NR2E1: variants seen among roughly 807,000 people sequenced by gnomAD.
NR2E1 encodes the protein nuclear receptor TLX.
Under a neutral mutation model 43.6 loss-of-function variants are expected in NR2E1, and 5 were observed. That is an observed-to-expected ratio of 0.11 (90% CI 0.06 to 0.24). The LOEUF (loss-of-function observed/expected upper bound fraction) is 0.24, where lower values mean the gene tolerates loss of function less well. Ranked by LOEUF, NR2E1 falls within the 10% of genes least tolerant of loss-of-function variation. The probability of loss-of-function intolerance (pLI) is 1.00; values close to 1 mark genes in which losing one functional copy is unlikely to be tolerated. For missense variants in NR2E1, 287 were observed against 496.7 expected (o/e 0.58, Z 4.01); for synonymous variants, 191 against 195.5 (o/e 0.98, Z 0.19).
At chr6:108,167,481 G>A (rs1311611033) in intron 1 of NR2E1, among the ~76,000 whole-genome samples, 1 of 152,078 alleles carries the variant, frequency 6.6e-6, no homozygotes, top group Admixed American at 6.6e-5. Flanking sequence ...CCGGCTCTCC[G>A]AACGCCAGGC....
intron 1 of NR2E1, among the ~76,000 whole-genome samples, chr6:108,167,871 C>G (rs1773737057): frequency 6.6e-6 from 1 of 152,106 alleles, no homozygotes; most frequent in Non-Finnish European, 1.5e-5. Context: ...GGAGATACTT[C>G]TGAGGACTGG....
At chr6:108,185,864 C>G (rs934895185) in intron 8 of NR2E1, among the ~76,000 whole-genome samples, 5 of 152,152 alleles carry the variant, frequency 3.3e-5, no homozygotes, top group Admixed American at 1.3e-4. Context: ...ATAGATTCCC[C>G]CAAATTCATC....
At chr6:108,174,751 C>A in intron 2 of NR2E1, 85 bp from the exon 3 acceptor site, 1 of 1,203,884 alleles carries the variant, frequency 8.3e-7, no homozygotes, top group Non-Finnish European at 1.2e-6. Flanking sequence ...GTCGCGCCTC[C>A]ACACCGTTTC....
At chr6:108,173,123 C>A (rs988110258) in intron 2 of NR2E1, among the ~76,000 whole-genome samples, 3 of 152,190 alleles carry the variant, frequency 2.0e-5, no homozygotes, top group African/African-American at 7.2e-5. Context: ...ATAATAGACT[C>A]ATCAGGCCTG....
At chr6:108,167,801 C>T (rs756494615) in intron 1 of NR2E1, among the ~76,000 whole-genome samples, 1 of 151,882 alleles carries the variant, frequency 6.6e-6, no homozygotes, top group Non-Finnish European at 1.5e-5. Context: ...GCGTTCCTTC[C>T]CTCCCCCTCC....
chr6:108,182,817 A>C (rs541023979), intron 8 of NR2E1, among the ~76,000 whole-genome samples: 47 of 151,682 alleles, frequency 3.1e-4, no homozygotes, highest in Non-Finnish European at 1.0e-4. Context: ...TTGACCTCCC[A>C]AAGTGCTGGG....
chr6:108,176,692 C>A lies in NR2E1; in HGVS notation c.449C>A (p.Thr150Asn). 1 of 1,596,528 alleles carries A rather than the reference C, an allele frequency of 6.3e-7. No individual in the cohort carries two copies. The highest frequency in any genetic ancestry group is 8.5e-7 in the Non-Finnish European group (1 of 1,175,332). Reference sequence around the variant, plus strand: ...CTGGAGCTGGCCGCGGTGTCCACCACTCCAGAGCGGCAGACCCTCGTGAGC... The same window carrying A: ...CTGGAGCTGGCCGCGGTGTCCACCAATCCAGAGCGGCAGACCCTCGTGAGC... Reference protein sequence around the residue: ...HGLELAAVSTTPERQTLVSLA... With the variant: ...HGLELAAVSTNPERQTLVSLA... Residue 150 changes from threonine to asparagine, a missense_variant, in exon 4 of 9, where the codon ACT (threonine) becomes AAT (asparagine). Physicochemically the swap from Thr to Asn is moderately conservative, Grantham distance 65 (BLOSUM62 0). Transcript: ENST00000368986.
chr6:108,186,726 C>T (rs978808916), intron 8 of NR2E1, among the ~76,000 whole-genome samples: 1 of 152,122 alleles, frequency 6.6e-6, no homozygotes, highest in Admixed American at 6.5e-5. Context: ...TAATTACATG[C>T]CAATTTCATT....
Position 108,180,458 on chromosome 6 carries a change from T to C in NR2E1, c.739+39T>C. ...AATTTAATGACTTTGTTGTAGAAAT[T>C]ACCATAAAAATACATTACTGAAAAA... On this transcript the variant is annotated intron_variant, in intron 6 of 8. Transcript: ENST00000368986. This position sits in a 1 kb window ranked among gnomAD's most constrained non-coding sequence, Gnocchi z 5.4. 1 of 1,364,706 alleles carries C rather than the reference T, an allele frequency of 7.3e-7. No individual in the cohort carries two copies. Among genetic ancestry groups the C allele is most frequent in the Non-Finnish European group, 1.0e-6 (1 of 952,644 alleles). The allele number at this position is 1,364,706 out of a possible 1,614,324, so 84.5% of individuals were successfully genotyped here.
intron 1 of NR2E1, chr6:108,168,056 G>T: frequency 6.2e-7 from 1 of 1,602,452 alleles, no homozygotes; most frequent in South Asian, 1.1e-5. Flanking sequence ...AGGGAGCAGA[G>T]AAGGAGCCCT....
Position 108,187,591 on chromosome 6 carries a change from A to G in NR2E1, c.*128A>G, listed in dbSNP as rs532712612. The stretch of plus-strand genomic sequence containing the variant: ...GGAATGTGTAGCCTTCAGGAAAAAA[A>G]TGCCAATTGACACAAAGCATTCCAG... On this transcript the variant is annotated 3_prime_UTR_variant, in exon 9 of 9. Transcript: ENST00000368986. 31 of 1,067,130 alleles carry G rather than the reference A, an allele frequency of 2.9e-5. No individual in the cohort carries two copies. Among genetic ancestry groups the G allele is most frequent in the South Asian group, 2.0e-4 (16 of 78,582 alleles). 66.1% of individuals were successfully genotyped at this position (1,067,130 alleles called of 1,614,324 possible).
In NR2E1 at chr6:108,187,641, A is replaced by G. The variant is rs569564003; in HGVS notation, c.*178A>G. 2.6e-5 allele frequency: 17 copies of G among 663,600 alleles called. No homozygotes were observed. The South Asian group carries it at 2.8e-4, about 11-fold the overall frequency. The allele number at this position is 663,600 out of a possible 1,614,324, so 41.1% of individuals were successfully genotyped here. Reference sequence around the variant, plus strand: ...GTAGCTATGACCTGCCGCCCTGACCAGGATAGGGCGGGTGGGAAGGAGAGG... The same window carrying G: ...GTAGCTATGACCTGCCGCCCTGACCGGGATAGGGCGGGTGGGAAGGAGAGG... On this transcript the variant is annotated 3_prime_UTR_variant, in exon 9 of 9. Transcript: ENST00000368986.
intron 4 of NR2E1, 80 bp downstream of exon 4, chr6:108,176,818 T>C (rs1454812942): frequency 9.1e-6 from 11 of 1,206,008 alleles, no homozygotes; most frequent in Middle Eastern, 2.7e-4. Flanking sequence ...AGCTGTGTGA[T>C]TGGGGTCAGG....
chr6:108,169,036 T>A lies in NR2E1; in HGVS notation c.25+2246T>A, dbSNP rs1490239399. On this transcript the variant is annotated intron_variant, in intron 1 of 8. Transcript: ENST00000368986. This position sits in a 1 kb window ranked among gnomAD's most constrained non-coding sequence, Gnocchi z 6.1. ...GAACGGTTTTCCAGCTTCAGGAAAC[T>A]CCGGCTCGCCTCACGTCGGAGCTCG... 1 of 152,232 alleles carries A rather than the reference T, an allele frequency of 6.6e-6. No individual in the cohort carries two copies. Among genetic ancestry groups the A allele is most frequent in the African/African-American group, 2.4e-5 (1 of 41,454 alleles). The allele number at this position is 152,232 out of a possible 1,614,324, so 9.4% of individuals were successfully genotyped here.
At chr6:108,181,881 G>A (rs897243559) in intron 8 of NR2E1, among the ~76,000 whole-genome samples, 2 of 152,144 alleles carry the variant, frequency 1.3e-5, no homozygotes, top group African/African-American at 4.8e-5. Context: ...TTGTCCTGGC[G>A]GAACAAATTG....
rs1192933242 is a variant in NR2E1 at position 108,166,790 on chromosome 6, AGTGG to A, written c.25+3_25+6del. 6.3e-7 allele frequency: 1 copy of A among 1,592,686 alleles called. No homozygotes were observed. Among genetic ancestry groups the A allele is most frequent in the Non-Finnish European group, 8.5e-7 (1 of 1,173,060 alleles). On this transcript the variant is annotated splice_donor_variant and splice_donor_region_variant and intron_variant, in intron 1 of 8. Transcript: ENST00000368986. LOFTEE classifies it high-confidence loss of function. This position sits in a 1 kb window ranked among gnomAD's most constrained non-coding sequence, Gnocchi z 7.2. Reference sequence around the variant, plus strand: ...CATGAGCAAGCCAGCCGGATCAACAAGTGGGTACCTCTCGGGCCGCCGTGGGGCC... The same window carrying A: ...CATGAGCAAGCCAGCCGGATCAACAAGTACCTCTCGGGCCGCCGTGGGGCC...
intron 5 of NR2E1, 133 bp downstream of exon 5, chr6:108,178,374 T>G: frequency 1.2e-6 from 1 of 837,304 alleles, no homozygotes; most frequent in Non-Finnish European, 2.0e-6. Context: ...GTGAGGAAAC[T>G]ACTTGTTTTT....
intron 8 of NR2E1, among the ~76,000 whole-genome samples, chr6:108,186,287 C>G (rs1296751288): frequency 6.6e-6 from 1 of 151,710 alleles, no homozygotes; most frequent in Non-Finnish European, 1.5e-5. Flanking sequence ...GAACTATAAG[C>G]CTTGTATTCT....
chr6:108,187,083 G>A (rs545703229), intron 8 of NR2E1, among the ~76,000 whole-genome samples: 2 of 152,146 alleles, frequency 1.3e-5, no homozygotes, highest in East Asian at 1.9e-4. Context: ...GAGGGTGTCC[G>A]TGTGATTTTG....
Sources: allele counts gnomAD v4.1 joint callset (sites outside exome capture counted in the v4.1 genomes callset), GRCh38; gene constraint gnomAD v4.1.1; non-coding constraint Gnocchi (gnomAD v3.1); transcripts MANE v1.5; gene names NCBI Gene and HGNC (gene_info 2026-07-23, HGNC 2026-07-21).